SLC8A1: variants seen among roughly 807,000 people sequenced by gnomAD.
The protein encoded by SLC8A1 is sodium/calcium exchanger 1.
In SLC8A1, 18 loss-of-function variants were observed where a neutral mutation model predicts 68.3. The observed-to-expected ratio is 0.26, with a 90% CI of 0.18 to 0.39. The LOEUF is 0.39. Among genes scored for constraint, SLC8A1 ranks in the 10% least tolerant of loss-of-function variants. The pLI is 1.00. For missense variants in SLC8A1, 985 were observed against 1,156.7 expected, an observed-to-expected ratio of 0.85 and a Z score of 2.15; for synonymous variants, 475 against 415.5, an observed-to-expected ratio of 1.14 and a Z score of -1.74.
intron 2 of SLC8A1, among the ~76,000 whole-genome samples, chr2:40,324,265 G>GAAGGTAAGAAGGGCTTACATTTTTA (rs1227732569): frequency 1.3e-5 from 2 of 152,142 alleles, no homozygotes; most frequent in Non-Finnish European, 2.9e-5. Context: ...CTCTAAGTGA[G>GAAGGTAAGAAGGGCTTACATTTTTA]AAGGTAAGAA....
chr2:40,427,020 A>G (rs1697045074), intron 2 of SLC8A1, among the ~76,000 whole-genome samples: 1 of 152,074 alleles, frequency 6.6e-6, no homozygotes, highest in African/African-American at 2.4e-5. Context: ...TAAAATAAGT[A>G]TCCCAACAAA....
intron 2 of SLC8A1, among the ~76,000 whole-genome samples, chr2:40,206,222 T>C (rs891498425): frequency 6.6e-6 from 1 of 152,108 alleles, no homozygotes; most frequent in African/African-American, 2.4e-5. Flanking sequence ...GCCTGTGCCA[T>C]GACAAATATC....
intron 2 of SLC8A1, among the ~76,000 whole-genome samples, chr2:40,232,344 C>T (rs983640894): frequency 6.6e-6 from 1 of 151,028 alleles, no homozygotes; most frequent in Non-Finnish European, 1.5e-5. Context: ...TGATTACAGA[C>T]AGATTGTATT....
chr2:40,416,843 G>A lies in SLC8A1; in HGVS notation c.1808+11630C>T, dbSNP rs185277673. ...AACTGCTGGTTTTAATTTAAAAGTA[G>A]TAACAAAACCAGCAACTACTTTTGC... On this transcript the variant is annotated intron_variant, in intron 2 of 7. Coordinates refer to ENST00000406785, the Ensembl canonical transcript of SLC8A1. Among the ~76,000 whole-genome samples, 59 of 151,982 alleles carry A rather than the reference G, an allele frequency of 3.9e-4. 1 individual carries two copies. Among genetic ancestry groups the A allele is most frequent in the African/African-American group, 1.2e-3 (50 of 41,512 alleles).
At chr2:40,428,862 C>T in exon 2 of SLC8A1, 6 of 1,613,822 alleles carry the variant, frequency 3.7e-6, no homozygotes, top group East Asian at 2.2e-5. Flanking sequence ...CTCTGATTTC[C>T]TTCTGGGTAT....
intron 1 of SLC8A1, among the ~76,000 whole-genome samples, chr2:40,488,122 C>T (rs1173990116): frequency 6.7e-6 from 1 of 150,016 alleles, no homozygotes; most frequent in Non-Finnish European, 1.5e-5. Flanking sequence ...GGTGGATAGA[C>T]AGAATACTAA....
intron 2 of SLC8A1, among the ~76,000 whole-genome samples, chr2:40,244,190 G>A (rs886800746): frequency 6.6e-6 from 1 of 152,084 alleles, no homozygotes; most frequent in Non-Finnish European, 1.5e-5. Context: ...CTCACTAGGG[G>A]GTTAGGAAGT....
At chr2:40,342,633 G>A (rs550899586) in intron 2 of SLC8A1, among the ~76,000 whole-genome samples, 46 of 152,234 alleles carry the variant, frequency 3.0e-4, no homozygotes, top group African/African-American at 1.1e-3. Context: ...AGTTTATGAT[G>A]ACAAGGAATT....
At chr2:40,402,761 A>C (rs1576161903) in intron 2 of SLC8A1, among the ~76,000 whole-genome samples, 1 of 152,210 alleles carries the variant, frequency 6.6e-6, no homozygotes, top group East Asian at 1.9e-4. Flanking sequence ...TTTCCATCAC[A>C]GGAAAGTAAA....
chr2:40,206,627 TC>T (rs917295625), intron 2 of SLC8A1, among the ~76,000 whole-genome samples: 11 of 151,986 alleles, frequency 7.2e-5, no homozygotes, highest in African/African-American at 2.7e-4. Context: ...TCCAAACACT[TC>T]CTTTGCTTAT....
At chr2:40,415,904 ACACACAC>A (rs1693711322) in intron 2 of SLC8A1, among the ~76,000 whole-genome samples, 2 of 137,782 alleles carry the variant, frequency 1.5e-5, no homozygotes, top group East Asian at 2.7e-4. Flanking sequence ...ACACACACAC[ACACACAC>A]ATTAGCTGGG....
intron 2 of SLC8A1, among the ~76,000 whole-genome samples, chr2:40,308,549 G>A (rs2073092388): frequency 1.3e-5 from 2 of 152,056 alleles, no homozygotes; most frequent in African/African-American, 4.8e-5. Flanking sequence ...TCTCTTAAGT[G>A]ATGTTTAAGG....
At chr2:40,396,517 C>G (rs1369687306) in intron 2 of SLC8A1, among the ~76,000 whole-genome samples, 2 of 151,812 alleles carry the variant, frequency 1.3e-5, no homozygotes, top group African/African-American at 2.4e-5. Context: ...CAATGGATTA[C>G]AAAACAAGAC....
intron 2 of SLC8A1, among the ~76,000 whole-genome samples, chr2:40,413,664 C>G (rs565287586): frequency 6.6e-6 from 1 of 152,232 alleles, no homozygotes; most frequent in African/African-American, 2.4e-5. Flanking sequence ...AGCTTGAGAC[C>G]TTACTACATA....
intron 2 of SLC8A1, among the ~76,000 whole-genome samples, chr2:40,248,648 A>T (rs1193844193): frequency 6.6e-6 from 1 of 152,170 alleles, no homozygotes; most frequent in East Asian, 1.9e-4. Context: ...TGGGGGAGGT[A>T]ATAAAATATG....
In SLC8A1 at chr2:40,229,235, C is replaced by G. The variant is rs13397627; in HGVS notation, c.1809-51380G>C. Among the ~76,000 whole-genome samples, 1,181 of 152,150 alleles carry G rather than the reference C, an allele frequency of 7.8e-3. 20 individuals carry two copies. Among genetic ancestry groups the G allele is most frequent in the African/African-American group, 0.027 (1,123 of 41,516 alleles). Reference sequence around the variant, plus strand: ...GTGGAAGAGGTATCAATTAGAGAAACTGAATGGCTCATGACCCTACTAAGT... The same window carrying G: ...GTGGAAGAGGTATCAATTAGAGAAAGTGAATGGCTCATGACCCTACTAAGT... On this transcript the variant is annotated intron_variant, in intron 2 of 7. Coordinates refer to ENST00000406785, the Ensembl canonical transcript of SLC8A1.
intron 2 of SLC8A1, chr2:40,254,341 A>ATTGAATTAATAACATATCCTT (rs1296543846): frequency 1.3e-5 from 2 of 148,958 alleles, no homozygotes; most frequent in African/African-American, 5.2e-5. Flanking sequence ...GAGCTGGCAT[A>ATTGAATTAATAACATATCCTT]TTGAATTAAT....
At chr2:40,244,657 G>A (rs1057371036) in intron 2 of SLC8A1, among the ~76,000 whole-genome samples, 10 of 86,372 alleles carry the variant, frequency 1.2e-4, no homozygotes, top group African/African-American at 3.4e-4. Flanking sequence ...CAATGATCGA[G>A]GCCTTTTCCT....
chr2:40,348,610 G>C (rs1670076803), intron 2 of SLC8A1, among the ~76,000 whole-genome samples: 1 of 152,196 alleles, frequency 6.6e-6, no homozygotes, highest in Non-Finnish European at 1.5e-5. Flanking sequence ...TTTAGGCTGA[G>C]CCAGGGTTGG....
Sources: gnomAD v4.1 joint callset for allele counts (sites outside exome capture counted in the v4.1 genomes callset) on GRCh38, gnomAD v4.1.1 for gene constraint, MANE v1.5 for transcripts, NCBI Gene and HGNC (gene_info 2026-07-23, HGNC 2026-07-21) for gene names.